P3H2: variants seen among roughly 807,000 people sequenced by gnomAD.
P3H2 encodes prolyl 3-hydroxylase 2, also known as leprecan-like 1.
P3H2 carries 80 observed loss-of-function variants against 87.0 expected under a neutral mutation model. The ratio of observed to expected loss-of-function variants is 0.92; its 90% CI spans 0.77 to 1.11. The LOEUF (loss-of-function observed/expected upper bound fraction) is 1.11, where lower values mean the gene tolerates loss of function less well. P3H2 is among the 50% of genes least tolerant of loss of function. The pLI, the probability that P3H2 is intolerant of heterozygous loss-of-function variation, is 0.00. For synonymous variants in P3H2, 367 were observed against 359.3 expected, an observed-to-expected ratio of 1.02 and a Z score of -0.24; for missense variants, 1,001 against 923.9, an observed-to-expected ratio of 1.08 and a Z score of -1.08.
At chr3:190,044,998 A>C (rs888260825) in intron 1 of P3H2, among the ~76,000 whole-genome samples, 2 of 152,220 alleles carry the variant, frequency 1.3e-5, no homozygotes, top group African/African-American at 2.4e-5. Context: ...TAGCTAAGGT[A>C]GCCAGAAAGG....
chr3:190,056,120 G>C (rs900803176), intron 1 of P3H2, among the ~76,000 whole-genome samples: 6 of 152,156 alleles, frequency 3.9e-5, no homozygotes, highest in African/African-American at 1.4e-4. Flanking sequence ...CTCTCACATG[G>C]AAAGTCCATG....
At chr3:190,074,443 G>A (rs1456789486) in intron 1 of P3H2, among the ~76,000 whole-genome samples, 2 of 151,994 alleles carry the variant, frequency 1.3e-5, no homozygotes, top group African/African-American at 4.8e-5. Flanking sequence ...CCCAGGAGGC[G>A]GAGGTTGTAG....
At chr3:190,083,879 A>T (rs1160651949) in intron 1 of P3H2, among the ~76,000 whole-genome samples, 1 of 152,226 alleles carries the variant, frequency 6.6e-6, no homozygotes, top group Admixed American at 6.5e-5. Flanking sequence ...AAAGTGAACG[A>T]ACAATAACCA....
In P3H2 at chr3:189,970,884, G is replaced by A. The variant is rs769901611; in HGVS notation, c.1825C>T (p.Leu609=). ...CCTTCAAAGTCATCATTCATATATA[G>A]GAGAGCACTATAAGAATGAAGAGAA... ...AYTFRDYSAL[L]YMNDDFEGGE... The change falls in exon 13 of 15, where the codon CTA becomes TTA. Residue 609 remains leucine (L), a synonymous_variant. Transcript: ENST00000319332. 1.3e-6 allele frequency: 2 copies of A among 1,546,868 alleles called. No individual in the cohort carries two copies. Among genetic ancestry groups the A allele is most frequent in the Non-Finnish European group, 8.9e-7 (1 of 1,118,892 alleles).
chr3:190,035,499 T>G (rs2108950378), intron 1 of P3H2, among the ~76,000 whole-genome samples: 1 of 152,282 alleles, frequency 6.6e-6, no homozygotes, highest in African/African-American at 2.4e-5. Context: ...AATCCTTCAT[T>G]TTTTTTTCTC....
chr3:190,105,511 C>G (rs946970082), intron 1 of P3H2, among the ~76,000 whole-genome samples: 19 of 152,104 alleles, frequency 1.2e-4, no homozygotes, highest in African/African-American at 4.6e-4. Context: ...CTAGTTTATT[C>G]TGTCCTCTTA....
chr3:190,086,379 T>C (rs1727210788), intron 1 of P3H2, among the ~76,000 whole-genome samples: 1 of 152,194 alleles, frequency 6.6e-6, no homozygotes, highest in Non-Finnish European at 1.5e-5. Context: ...ATGAGGTGTC[T>C]GCTTCTCTGA....
At chr3:190,087,276 C>T (rs188345986) in intron 1 of P3H2, among the ~76,000 whole-genome samples, 10 of 152,258 alleles carry the variant, frequency 6.6e-5, no homozygotes, top group Admixed American at 2.0e-4. Context: ...GTGGCTCACG[C>T]CTGTAATCCC....
intron 1 of P3H2, among the ~76,000 whole-genome samples, chr3:190,105,483 G>A (rs1413766052): frequency 6.6e-6 from 1 of 151,868 alleles, no homozygotes; most frequent in Non-Finnish European, 1.5e-5. Flanking sequence ...TATCTTCTTT[G>A]TCTCTCTTGA....
chr3:189,975,294 C>A lies in P3H2; in HGVS notation c.1325-609G>T, dbSNP rs1389756289. On this transcript the variant is annotated intron_variant, in intron 8 of 14. Transcript: ENST00000319332. ...ACACAGGAGGGTTTCCCTTAGGCAC[C>A]TACTCTCTTCCCAGAGAGAGACCAC... is the stretch of plus-strand genomic sequence containing the variant. Among the ~76,000 whole-genome samples the A allele has an allele frequency of 1.3e-5, 2 of 152,298 alleles. 1 individual carries two copies. The highest frequency in any genetic ancestry group is 4.1e-4 in the South Asian group (2 of 4,830).
At chr3:189,962,299 C>T (rs1387380991) in intron 14 of P3H2, among the ~76,000 whole-genome samples, 1 of 151,604 alleles carries the variant, frequency 6.6e-6, no homozygotes, top group African/African-American at 2.4e-5. Flanking sequence ...CTCAGGCTCC[C>T]GAGCAGCTGG....
Position 190,004,508 on chromosome 3 carries a change from G to A in P3H2, c.481-9066C>T, listed in dbSNP as rs939649124. Among the ~76,000 whole-genome samples the A allele has an allele frequency of 2.6e-4, 40 of 151,934 alleles. 1 individual carries two copies. In the Middle Eastern group the frequency reaches 0.01, roughly 39 times the overall value. On this transcript the variant is annotated intron_variant, in intron 1 of 14. Transcript: ENST00000319332. The stretch of plus-strand genomic sequence containing the variant: ...CGCCATTCTCCTGCCTCAGCCTCCC[G>A]AGTAGCTGGGACTACAGGCGCCCGC...
chr3:189,972,740 T>C, intron 11 of P3H2, 134 bp downstream of exon 11: 1 of 919,398 alleles, frequency 1.1e-6, no homozygotes, highest in Non-Finnish European at 1.8e-6. Flanking sequence ...TAAGAGTTCA[T>C]AAGCTACTTT....
At chr3:190,026,880 T>C (rs1190716655) in intron 1 of P3H2, among the ~76,000 whole-genome samples, 4 of 151,778 alleles carry the variant, frequency 2.6e-5, no homozygotes, top group Admixed American at 2.6e-4. Context: ...ATCTGCGAAG[T>C]GTGTAGTATT....
chr3:190,061,171 C>T (rs1054647170), intron 1 of P3H2, among the ~76,000 whole-genome samples: 1 of 152,130 alleles, frequency 6.6e-6, no homozygotes, highest in Non-Finnish European at 1.5e-5. Context: ...CCTTCTTCCT[C>T]CACTCTTCAT....
chr3:190,044,559 G>C (rs959714220), intron 1 of P3H2, among the ~76,000 whole-genome samples: 8 of 152,298 alleles, frequency 5.3e-5, no homozygotes, highest in Admixed American at 2.0e-4. Context: ...ATCCTCACCA[G>C]GGACACTTCA....
At chr3:190,042,815 A>G (rs920275980) in intron 1 of P3H2, among the ~76,000 whole-genome samples, 1 of 152,254 alleles carries the variant, frequency 6.6e-6, no homozygotes, top group Non-Finnish European at 1.5e-5. Flanking sequence ...ATTTATCCCC[A>G]GAGTTCCACA....
intron 1 of P3H2, among the ~76,000 whole-genome samples, chr3:190,001,328 A>G (rs981467907): frequency 5.3e-5 from 8 of 152,242 alleles, no homozygotes; most frequent in Non-Finnish European, 1.5e-5. Flanking sequence ...AATATTTGGC[A>G]GCACTTTTTA....
At chr3:190,042,914 T>C in intron 1 of P3H2, among the ~76,000 whole-genome samples, 1 of 152,180 alleles carries the variant, frequency 6.6e-6, no homozygotes, top group Non-Finnish European at 1.5e-5. Flanking sequence ...CAAAGGCTAG[T>C]CAATTTTAAC....
Sources: allele counts gnomAD v4.1 joint callset (sites outside exome capture counted in the v4.1 genomes callset), GRCh38; gene constraint gnomAD v4.1.1; transcripts MANE v1.5; gene names NCBI Gene and HGNC (gene_info 2026-07-23, HGNC 2026-07-21).